The following DSCAM variants were observed in gnomAD, a reference collection of about 807,000 sequenced individuals.
DSCAM encodes the protein DS cell adhesion molecule.
Under a neutral mutation model 217.7 loss-of-function variants are expected in DSCAM, and 47 were observed. That is an observed-to-expected ratio of 0.22 (90% CI 0.17 to 0.28). The LOEUF (loss-of-function observed/expected upper bound fraction) is 0.28. Ranked by LOEUF, DSCAM falls within the 10% of genes least tolerant of loss-of-function variation. The pLI is 1.00. For synonymous variants in DSCAM, 1,056 were observed against 1,015.3 expected (o/e 1.04, Z -0.76); for missense variants, 2,080 against 2,618.3 (o/e 0.79, Z 4.49).
chr21:40,022,276 A>G (rs550908092), intron 32 of DSCAM, among the ~76,000 whole-genome samples: 10 of 152,258 alleles, frequency 6.6e-5, no homozygotes, highest in Admixed American at 5.9e-4. Context: ...GACACTATTG[A>G]TACCTATTGG....
At position 40,322,651 on chromosome 21, in the gene DSCAM, A is replaced by T. The variant is rs139612454; in HGVS notation, c.1784-10292T>A. ...TCAATTCTCCTGCCTCAGACTCCCG[A>T]GTAGCTGGTACTACAGGTGCCCGCC... On this transcript the variant is annotated intron_variant, in intron 8 of 32. Transcript: ENST00000400454. Among the ~76,000 whole-genome samples, 3,284 of 151,810 alleles carry T rather than the reference A, an allele frequency of 0.022. 168 individuals are homozygous for T. The East Asian group carries it at 0.23, about 11-fold the overall frequency.
chr21:40,409,960 G>A (rs2123792808), intron 3 of DSCAM, among the ~76,000 whole-genome samples: 1 of 152,034 alleles, frequency 6.6e-6, no homozygotes, highest in South Asian at 2.1e-4. Context: ...TACAAAACAT[G>A]TCTAAAGCAG....
intron 3 of DSCAM, among the ~76,000 whole-genome samples, chr21:40,570,984 G>A (rs1291700326): frequency 8.6e-5 from 13 of 152,016 alleles, no homozygotes. Flanking sequence ...TTTAAGTTAA[G>A]GAAATACAGC....
chr21:40,674,626 CTTTTTCTTTTTTTTTTTTTT>C (rs2090315678), intron 3 of DSCAM, among the ~76,000 whole-genome samples: 1 of 105,900 alleles, frequency 9.4e-6, no homozygotes, highest in Non-Finnish European at 1.8e-5. Context: ...TTTTCTTTTT[CTTTTTCTTTTTTTTTTTTTT>C]TTTTGAGACG....
chr21:40,093,367 T>A (rs2089634951), intron 21 of DSCAM, among the ~76,000 whole-genome samples: 1 of 152,226 alleles, frequency 6.6e-6, no homozygotes, highest in Non-Finnish European at 1.5e-5. Flanking sequence ...AAATAGACAT[T>A]TCTCATTAAG....
intron 3 of DSCAM, among the ~76,000 whole-genome samples, chr21:40,429,468 A>G (rs13050768): frequency 0.052 from 7,984 of 152,106 alleles, 284 homozygotes; most frequent in South Asian, 0.13. Flanking sequence ...GAGTTTCTCC[A>G]TGTTGGTCAG....
intron 1 of DSCAM, among the ~76,000 whole-genome samples, chr21:40,774,183 A>G (rs1452884033): frequency 6.6e-6 from 1 of 152,184 alleles, no homozygotes; most frequent in African/African-American, 2.4e-5. Context: ...CCCTAAGACC[A>G]ATCTTTTTTC....
intron 19 of DSCAM, among the ~76,000 whole-genome samples, chr21:40,132,785 T>C (rs2090167104): frequency 6.6e-6 from 1 of 152,146 alleles, no homozygotes; most frequent in African/African-American, 2.4e-5. Flanking sequence ...GAAGAGCGTA[T>C]CATGGCCCCT....
At chr21:40,705,540 C>G (rs1293234157) in intron 2 of DSCAM, among the ~76,000 whole-genome samples, 1 of 152,102 alleles carries the variant, frequency 6.6e-6, no homozygotes, top group Admixed American at 6.5e-5. Context: ...CCTCAGGAAA[C>G]GTACAATCAT....
intron 3 of DSCAM, chr21:40,629,743 T>A (rs1174381160): frequency 6.6e-6 from 1 of 152,198 alleles, no homozygotes; most frequent in Non-Finnish European, 1.5e-5. Flanking sequence ...CTATTCTGAT[T>A]GATACAGTGA....
intron 3 of DSCAM, among the ~76,000 whole-genome samples, chr21:40,416,098 A>G (rs1385788121): frequency 6.6e-6 from 1 of 152,180 alleles, no homozygotes; most frequent in East Asian, 1.9e-4. Context: ...ATGATGTGAA[A>G]AGTCCTGCCT....
intron 3 of DSCAM, among the ~76,000 whole-genome samples, chr21:40,461,155 T>C (rs112691084): frequency 1.5e-4 from 23 of 152,306 alleles, no homozygotes; most frequent in African/African-American, 5.1e-4. Context: ...ATTATTCACA[T>C]AGGCATAATA....
intron 3 of DSCAM, among the ~76,000 whole-genome samples, chr21:40,519,898 C>T (rs541956807): frequency 2.0e-5 from 3 of 151,852 alleles, no homozygotes; most frequent in Admixed American, 6.6e-5. Flanking sequence ...ATATAAAATA[C>T]CCTGTTGATT....
intron 1 of DSCAM, among the ~76,000 whole-genome samples, chr21:40,813,934 T>C (rs7283279): frequency 0.73 from 110,855 of 152,000 alleles, 40,667 homozygotes; most frequent in East Asian, 0.91. Flanking sequence ...TATGAGCCCC[T>C]GAGCACAGCC....
In DSCAM at chr21:40,342,634, A is replaced by G. The variant is rs1041688722; in HGVS notation, c.1211-3219T>C. Among the ~76,000 whole-genome samples, 524 of 89,192 alleles carry G rather than the reference A, an allele frequency of 5.9e-3. 10 individuals are homozygous for G. The highest frequency in any genetic ancestry group is 0.023 in the African/African-American group (493 of 21,856). The allele number at this position is 89,192 out of a possible 152,430, so 58.5% of individuals were successfully genotyped here. ...TATGTGTGTGTGTGTGTGTATATATATATATATATATATATTTTTTTTTTT... is the reference window on the plus strand; with the variant it reads ...TATGTGTGTGTGTGTGTGTATATATGTATATATATATATATTTTTTTTTTT... On this transcript the variant is annotated intron_variant, in intron 6 of 32. Transcript: ENST00000400454.
At chr21:40,730,925 G>C (rs2091005013) in intron 1 of DSCAM, among the ~76,000 whole-genome samples, 1 of 152,158 alleles carries the variant, frequency 6.6e-6, no homozygotes, top group African/African-American at 2.4e-5. Context: ...CCCATAGAAA[G>C]TAAACCTATG....
intron 1 of DSCAM, among the ~76,000 whole-genome samples, chr21:40,764,510 A>G (rs1373758044): frequency 6.6e-6 from 1 of 152,126 alleles, no homozygotes; most frequent in East Asian, 1.9e-4. Context: ...TGGGAGTGTA[A>G]ATTAGTTCAA....
Position 40,364,328 on chromosome 21 carries a change from C to A in DSCAM, c.655+4771G>T, listed in dbSNP as rs531848731. 2.7e-3 allele frequency among the ~76,000 whole-genome samples: 412 copies of A among 152,150 alleles called. 1 individual carries two copies. Among genetic ancestry groups the A allele is most frequent in the Non-Finnish European group, 5.0e-3 (338 of 67,982 alleles). On this transcript the variant is annotated intron_variant, in intron 4 of 32. Transcript: ENST00000400454. Reference sequence around the variant, plus strand: ...ATTAAGAAAAAGTGGCACATATACACCATGGAATACTATGCAGCCATAAAA... The same window carrying A: ...ATTAAGAAAAAGTGGCACATATACAACATGGAATACTATGCAGCCATAAAA...
intron 1 of DSCAM, among the ~76,000 whole-genome samples, chr21:40,720,069 T>G (rs2090885522): frequency 6.6e-6 from 1 of 152,228 alleles, no homozygotes; most frequent in African/African-American, 2.4e-5. Flanking sequence ...TTTTCAACAC[T>G]GTCAATTGCT....
Sources: allele counts gnomAD v4.1 joint callset (sites outside exome capture counted in the v4.1 genomes callset), GRCh38; gene constraint gnomAD v4.1.1; transcripts MANE v1.5; gene names NCBI Gene and HGNC (gene_info 2026-07-23, HGNC 2026-07-21).